SLIT2: variants seen among roughly 807,000 people sequenced by gnomAD.
SLIT2 encodes the protein slit guidance ligand 2, also known as slit homolog 2 protein.
In SLIT2, 41 loss-of-function variants were observed where a neutral mutation model predicts 185.7. The observed-to-expected ratio is 0.22, with a 90% CI of 0.17 to 0.29. SLIT2 has a LOEUF of 0.29. Among genes scored for constraint, SLIT2 ranks in the 10% least tolerant of loss-of-function variants. The pLI is 1.00. For synonymous variants in SLIT2, 693 were observed against 680.2 expected (o/e 1.02, Z -0.29); for missense variants, 1,571 against 1,909.0 (o/e 0.82, Z 3.30).
intron 4 of SLIT2, among the ~76,000 whole-genome samples, chr4:20,453,691 A>G (rs1712733468): frequency 1.3e-5 from 2 of 152,226 alleles, no homozygotes; most frequent in Admixed American, 6.5e-5. Context: ...GCAAAGGCCC[A>G]GTCCTCAAGT....
At chr4:20,520,163 A>G (rs572488813) in intron 12 of SLIT2, among the ~76,000 whole-genome samples, 10 of 152,320 alleles carry the variant, frequency 6.6e-5, no homozygotes, top group South Asian at 2.1e-4. Flanking sequence ...GTAACACACA[A>G]TAGTCCTCAG....
intron 6 of SLIT2, among the ~76,000 whole-genome samples, chr4:20,482,238 T>A (rs909457621): frequency 3.3e-5 from 5 of 151,994 alleles, no homozygotes; most frequent in African/African-American, 1.2e-4. Context: ...TAACTAGAAA[T>A]ATGAATGATA....
intron 4 of SLIT2, among the ~76,000 whole-genome samples, chr4:20,296,249 A>C (rs1716466064): frequency 6.6e-6 from 1 of 152,226 alleles, no homozygotes; most frequent in Non-Finnish European, 1.5e-5. Flanking sequence ...AAATGTTGAA[A>C]AATGAGGAGA....
chr4:20,257,838 T>G, intron 2 of SLIT2, 30 bp from the exon 3 acceptor site: 1 of 1,175,794 alleles, frequency 8.5e-7, no homozygotes, highest in South Asian at 1.3e-5. Flanking sequence ...AGTGGTAACA[T>G]TAAGAAGCAT....
chr4:20,613,643 T>C (rs1405499446), intron 34 of SLIT2, among the ~76,000 whole-genome samples: 1 of 152,004 alleles, frequency 6.6e-6, no homozygotes, highest in African/African-American at 2.4e-5. Flanking sequence ...CGGTAACACA[T>C]AATACACTGT....
At chr4:20,475,800 A>G (rs1716039041) in intron 5 of SLIT2, among the ~76,000 whole-genome samples, 1 of 151,978 alleles carries the variant, frequency 6.6e-6, no homozygotes, top group Non-Finnish European at 1.5e-5. Flanking sequence ...CCTTCCCTCA[A>G]TTGATGTTAA....
chr4:20,388,892 A>ATATATATAATATATACATATAATATATAT (rs1725169074), intron 4 of SLIT2, among the ~76,000 whole-genome samples: 1 of 145,922 alleles, frequency 6.9e-6, no homozygotes, highest in Non-Finnish European at 1.5e-5. Flanking sequence ...ATAAAACATA[A>ATATATATAATATATACATATAATATATAT]TATATATAAT....
chr4:20,447,456 G>A (rs979408414), intron 4 of SLIT2, among the ~76,000 whole-genome samples: 1 of 152,174 alleles, frequency 6.6e-6, no homozygotes, highest in Non-Finnish European at 1.5e-5. Context: ...AGAGGCCATT[G>A]TTGAAAGTCT....
At chr4:20,479,921 G>A (rs1018470904) in intron 5 of SLIT2, among the ~76,000 whole-genome samples, 1 of 152,106 alleles carries the variant, frequency 6.6e-6, no homozygotes, top group Admixed American at 6.5e-5. Context: ...TGTGCCTGTA[G>A]TATATGTTTC....
intron 4 of SLIT2, among the ~76,000 whole-genome samples, chr4:20,412,007 G>T (rs2109431541): frequency 6.6e-6 from 1 of 152,244 alleles, no homozygotes; most frequent in Non-Finnish European, 1.5e-5. Context: ...AGAGTTGTGA[G>T]AAACCATCAT....
chr4:20,408,461 G>T (rs1289053502), intron 4 of SLIT2, among the ~76,000 whole-genome samples: 2 of 151,922 alleles, frequency 1.3e-5, no homozygotes, highest in Non-Finnish European at 2.9e-5. Flanking sequence ...AGAGTTCCTT[G>T]CCTCTACTAT....
chr4:20,358,068 C>T (rs76309448), intron 4 of SLIT2, among the ~76,000 whole-genome samples: 3 of 152,136 alleles, frequency 2.0e-5, no homozygotes, highest in East Asian at 1.9e-4. Flanking sequence ...GGTTGGATGA[C>T]GGTATGTATT....
intron 30 of SLIT2, 73 bp from the exon 31 acceptor site, chr4:20,595,624 G>T: frequency 1.3e-6 from 2 of 1,576,156 alleles, no homozygotes; most frequent in Non-Finnish European, 1.7e-6. Context: ...GTGCCATTGT[G>T]TCTAGATAAA....
At chr4:20,531,938 C>G (rs1721846459) in intron 16 of SLIT2, 46 bp from the exon 17 acceptor site, 1 of 1,017,782 alleles carries the variant, frequency 9.8e-7, no homozygotes, top group Non-Finnish European at 1.5e-6. Context: ...TAATCCTTTC[C>G]TAACTATTGG....
At chr4:20,550,256 T>C (rs1723618289) in intron 24 of SLIT2, among the ~76,000 whole-genome samples, 1 of 152,122 alleles carries the variant, frequency 6.6e-6, no homozygotes, top group African/African-American at 2.4e-5. Context: ...GCACTCGTGC[T>C]TTTTATTCTA....
chr4:20,604,194 C>T (rs1728616574), intron 33 of SLIT2, among the ~76,000 whole-genome samples: 1 of 152,202 alleles, frequency 6.6e-6, no homozygotes, highest in Non-Finnish European at 1.5e-5. Flanking sequence ...ATTTTATAGC[C>T]TGACATCTCA....
intron 4 of SLIT2, among the ~76,000 whole-genome samples, chr4:20,293,034 G>A (rs1436234922): frequency 1.3e-5 from 2 of 152,066 alleles, no homozygotes; most frequent in Non-Finnish European, 2.9e-5. Flanking sequence ...AGGGATGAGA[G>A]GGAGAAAAAA....
intron 3 of SLIT2, among the ~76,000 whole-genome samples, chr4:20,267,093 T>G (rs1390298621): frequency 6.6e-6 from 1 of 151,904 alleles, no homozygotes; most frequent in Non-Finnish European, 1.5e-5. Flanking sequence ...TAGAAAAAAA[T>G]CTCATTACCA....
At chr4:20,602,007 T>C (rs527801345) in intron 33 of SLIT2, among the ~76,000 whole-genome samples, 1 of 152,342 alleles carries the variant, frequency 6.6e-6, no homozygotes, top group East Asian at 1.9e-4. Context: ...AAAATTGATT[T>C]TATTTTAGCA....
Sources: allele counts gnomAD v4.1 joint callset (sites outside exome capture counted in the v4.1 genomes callset), GRCh38; gene constraint gnomAD v4.1.1; transcripts MANE v1.5; gene names NCBI Gene and HGNC (gene_info 2026-07-23, HGNC 2026-07-21).